Variants in DRC10 observed in about 807,000 individuals in gnomAD.
DRC10 encodes the protein IQ domain-containing protein D.
At chr12:113,220,366 G>A in the DRC10 span, among the ~76,000 whole-genome samples, 1 of 151,980 alleles carries the variant, frequency 6.6e-6, no homozygotes, top group African/African-American at 2.4e-5. Flanking sequence ...AGTGATTCTC[G>A]TGCCTTAGCC....
At chr12:113,204,107 G>A in the DRC10 span, among the ~76,000 whole-genome samples, 1 of 152,180 alleles carries the variant, frequency 6.6e-6, no homozygotes, top group Non-Finnish European at 1.5e-5. Context: ...CAAGAGTGGT[G>A]GCGCATGCCT....
the DRC10 span, among the ~76,000 whole-genome samples, chr12:113,204,292 G>A: frequency 6.6e-6 from 1 of 152,228 alleles, no homozygotes; most frequent in Non-Finnish European, 1.5e-5. Context: ...GGCCCTGTGT[G>A]ATCTGTCTCC....
chr12:113,214,493 G>A, the DRC10 span, among the ~76,000 whole-genome samples: 66 of 135,726 alleles, frequency 4.9e-4, no homozygotes, highest in Non-Finnish European at 9.4e-4. Flanking sequence ...GGGTGACAGC[G>A]TGAGACTCCG....
At chr12:113,195,711 G>A in the DRC10 span, 97 of 1,613,662 alleles carry the variant, frequency 6.0e-5, 2 homozygotes, top group Middle Eastern at 1.6e-4. Flanking sequence ...CTGGATGAGC[G>A]TGGCCGCCCG....
the DRC10 span, among the ~76,000 whole-genome samples, chr12:113,206,421 C>T: frequency 2.2e-4 from 33 of 152,140 alleles, no homozygotes; most frequent in African/African-American, 7.7e-4. Flanking sequence ...CTGCCTTTGC[C>T]TCTTTTGGGA....
the DRC10 span, among the ~76,000 whole-genome samples, chr12:113,205,733 C>CA: frequency 7.1e-6 from 1 of 140,782 alleles, no homozygotes; most frequent in African/African-American, 2.7e-5. Context: ...ACTAAAAATA[C>CA]AAAAAATTAG....
At chr12:113,214,020 A>C in the DRC10 span, among the ~76,000 whole-genome samples, 1 of 152,290 alleles carries the variant, frequency 6.6e-6, no homozygotes, top group Admixed American at 6.5e-5. Flanking sequence ...TCCTGGGCTC[A>C]AGAGGAATTT....
chr12:113,210,976 G>A, the DRC10 span, among the ~76,000 whole-genome samples: 3 of 152,176 alleles, frequency 2.0e-5, no homozygotes, highest in Non-Finnish European at 4.4e-5. Context: ...TTGGGTGACT[G>A]GTAGAGAAAG....
At chr12:113,200,661 G>A in the DRC10 span, 1 of 1,536,182 alleles carries the variant, frequency 6.5e-7, no homozygotes, top group African/African-American at 1.4e-5. Context: ...TCTCCTGCTG[G>A]ATCTTGGCCA....
the DRC10 span, among the ~76,000 whole-genome samples, chr12:113,205,234 A>ATT: frequency 1.3e-4 from 19 of 151,820 alleles, no homozygotes; most frequent in African/African-American, 3.9e-4. Context: ...TTTTTTTTAA[A>ATT]AAAAAAAAGC....
chr12:113,200,161 T>G, the DRC10 span: 1 of 344,176 alleles, frequency 2.9e-6, no homozygotes, highest in African/African-American at 2.1e-5. Context: ...ATTTCTGAGG[T>G]GTGAAATCGG....
At chr12:113,195,493 G>C in the DRC10 span, 12 of 1,472,012 alleles carry the variant, frequency 8.2e-6, no homozygotes, top group Non-Finnish European at 1.1e-5. Context: ...CATGAAAGCC[G>C]TGAATTTAGT....
chr12:113,208,514 G>A, the DRC10 span: 1 of 282,184 alleles, frequency 3.5e-6, no homozygotes, highest in Non-Finnish European at 6.2e-6. Context: ...AGCATTCTAA[G>A]GATTTAAAAC....
the DRC10 span, among the ~76,000 whole-genome samples, chr12:113,213,857 T>C: frequency 1.4e-4 from 21 of 152,184 alleles, no homozygotes; most frequent in South Asian, 1.5e-3. Flanking sequence ...GGCGGGAGAA[T>C]TGCTTGAACC....
chr12:113,207,319 G>A, the DRC10 span: 1 of 867,420 alleles, frequency 1.2e-6, no homozygotes, highest in South Asian at 1.3e-5. Flanking sequence ...CTGCACTCTA[G>A]TCTGGACAAC....
the DRC10 span, chr12:113,207,958 G>T: frequency 7.4e-6 from 12 of 1,613,950 alleles, no homozygotes; most frequent in South Asian, 1.3e-4. Flanking sequence ...TGCCACATAC[G>T]ACAGCAAGGT....
the DRC10 span, among the ~76,000 whole-genome samples, chr12:113,215,622 G>A: frequency 6.6e-6 from 1 of 152,082 alleles, no homozygotes; most frequent in East Asian, 1.9e-4. Flanking sequence ...CCATTGTCCA[G>A]TCTCCCCTCC....
chr12:113,218,521 A>G, the DRC10 span, among the ~76,000 whole-genome samples: 1 of 151,252 alleles, frequency 6.6e-6, no homozygotes, highest in East Asian at 2.0e-4. Flanking sequence ...GGATTACTGT[A>G]GCCTTGACCT....
the DRC10 span, chr12:113,220,995 A>T: frequency 5.3e-6 from 2 of 379,760 alleles, no homozygotes; most frequent in East Asian, 1.5e-4. Flanking sequence ...CTGGCTACTC[A>T]CCTGCTCTGA....
Sources: allele counts gnomAD v4.1 joint callset (sites outside exome capture counted in the v4.1 genomes callset), GRCh38; gene constraint gnomAD v4.1.1; transcripts MANE v1.5; gene names NCBI Gene and HGNC (gene_info 2026-07-23, HGNC 2026-07-21).